Variants in CPXM2 observed in about 807,000 individuals in gnomAD.
CPXM2 encodes carboxypeptidase X, M14 family member 2.
A neutral mutation model predicts 86.1 loss-of-function variants in CPXM2; 66 were observed. The observed-to-expected ratio is 0.77, with a 90% CI of 0.63 to 0.94. The LOEUF (loss-of-function observed/expected upper bound fraction) is 0.94. Among genes scored for constraint, CPXM2 ranks in the 40% least tolerant of loss-of-function variants. CPXM2 has a pLI of 0.00. For missense variants in CPXM2, 948 were observed against 1,026.3 expected (o/e 0.92, Z 1.04); for synonymous variants, 388 against 400.2 (o/e 0.97, Z 0.36).
intron 4 of CPXM2, among the ~76,000 whole-genome samples, chr10:123,825,176 C>T (rs943222658): frequency 6.6e-6 from 1 of 152,088 alleles, no homozygotes; most frequent in Non-Finnish European, 1.5e-5. Flanking sequence ...TACATGTAGG[C>T]CTCACACCAT....
chr10:123,882,887 G>A (rs907752470), intron 1 of CPXM2, among the ~76,000 whole-genome samples: 9 of 145,034 alleles, frequency 6.2e-5, no homozygotes, highest in African/African-American at 2.3e-4. Context: ...ACCATGGCCC[G>A]GGCACCTCCC....
chr10:123,797,398 C>G (rs1363534907), intron 6 of CPXM2, among the ~76,000 whole-genome samples: 1 of 152,196 alleles, frequency 6.6e-6, no homozygotes, highest in Non-Finnish European at 1.5e-5. Context: ...CTTAAAATCA[C>G]TATAGGCAAA....
chr10:123,907,863 A>G (rs1945456721), intron 2 of CPXM2, among the ~76,000 whole-genome samples: 1 of 152,148 alleles, frequency 6.6e-6, no homozygotes, highest in Non-Finnish European at 1.5e-5. Context: ...CAGGCAATAC[A>G]TCAGCAAAAC....
At chr10:123,750,841 C>T (rs10736932) in intron 13 of CPXM2, 766,667 of 985,188 alleles carry the variant, frequency 0.78, 300,542 homozygotes, top group Non-Finnish European at 0.8. Context: ...CCTGGCAGGG[C>T]ACGCTGTCCT....
Position 123,746,939 on chromosome 10 carries a change from G to A in CPXM2, c.2096C>T (p.Ser699Phe), listed in dbSNP as rs1158332407. Residue 699 changes from serine (S) to phenylalanine (F), a missense_variant, in exon 14 of 14, where the codon TCC becomes TTC. Transcript: ENST00000241305. The stretch of plus-strand genomic sequence containing the variant: ...ATAGCCAACCATACAGTTCTTGGTG[G>A]ATGCAGTGAAACCTTCGGCCTTTGC... ...VTAKAEGFTASTKNCMVGYDM... is the reference protein window; with the variant it reads ...VTAKAEGFTAFTKNCMVGYDM... 56 of 1,614,058 alleles carry A rather than the reference G, an allele frequency of 3.5e-5. No individual in the cohort carries two copies. The highest frequency in any genetic ancestry group is 4.4e-5 in the Non-Finnish European group (52 of 1,180,052).
At chr10:123,861,736 G>T (rs1848852737) in intron 3 of CPXM2, among the ~76,000 whole-genome samples, 1 of 152,210 alleles carries the variant, frequency 6.6e-6, no homozygotes, top group Non-Finnish European at 1.5e-5. Flanking sequence ...AAAAGGGGAA[G>T]AAAATTGATT....
chr10:123,910,256 C>T (rs1366768590), intron 2 of CPXM2, among the ~76,000 whole-genome samples: 1 of 152,154 alleles, frequency 6.6e-6, no homozygotes, highest in African/African-American at 2.4e-5. Flanking sequence ...GCCTGGACAC[C>T]TGGCCAGGTT....
intron 2 of CPXM2, among the ~76,000 whole-genome samples, chr10:123,909,093 C>T (rs766658942): frequency 6.6e-6 from 1 of 152,154 alleles, no homozygotes; most frequent in Non-Finnish European, 1.5e-5. Context: ...TAGGTTCAAG[C>T]TTTTGGCTGG....
At chr10:123,779,588 G>A (rs1846886104) in intron 7 of CPXM2, among the ~76,000 whole-genome samples, 1 of 152,172 alleles carries the variant, frequency 6.6e-6, no homozygotes, top group Admixed American at 6.5e-5. Context: ...GCCTGAGACG[G>A]GGCTCAATTA....
At chr10:123,841,349 G>A (rs1298988667) in intron 4 of CPXM2, among the ~76,000 whole-genome samples, 2 of 152,138 alleles carry the variant, frequency 1.3e-5, no homozygotes, top group East Asian at 3.8e-4. Flanking sequence ...ATTTTTGCTT[G>A]CTTGTTGTAA....
At chr10:123,906,557 TTTAAA>T (rs1463855831) in intron 2 of CPXM2, among the ~76,000 whole-genome samples, 50 of 152,324 alleles carry the variant, frequency 3.3e-4, no homozygotes, top group African/African-American at 1.1e-3. Flanking sequence ...TGGAATAAAA[TTTAAA>T]TTAAATCCAG....
At chr10:123,854,426 A>T (rs1461710054) in intron 3 of CPXM2, among the ~76,000 whole-genome samples, 2 of 119,100 alleles carry the variant, frequency 1.7e-5, no homozygotes, top group Non-Finnish European at 3.5e-5. Context: ...AATATATAAT[A>T]TATATATAAT....
intron 4 of CPXM2, among the ~76,000 whole-genome samples, chr10:123,816,670 T>G (rs1270290817): frequency 6.6e-6 from 1 of 152,254 alleles, no homozygotes; most frequent in African/African-American, 2.4e-5. Context: ...GCCATTGACT[T>G]GGCAAATGCC....
At chr10:123,807,529 C>T (rs1847606030) in intron 4 of CPXM2, among the ~76,000 whole-genome samples, 1 of 152,084 alleles carries the variant, frequency 6.6e-6, no homozygotes, top group African/African-American at 2.4e-5. Context: ...ATACAACATT[C>T]CTTTACTCAA....
intron 7 of CPXM2, among the ~76,000 whole-genome samples, chr10:123,773,203 GTGGTC>G (rs1846692673): frequency 6.8e-6 from 1 of 146,796 alleles, no homozygotes; most frequent in Non-Finnish European, 1.6e-5. Context: ...CTCTCTCATT[GTGGTC>G]ATCAGCTCCC....
intron 13 of CPXM2, chr10:123,751,181 G>T: frequency 2.8e-6 from 1 of 353,302 alleles, no homozygotes. Context: ...TAGCGCCACT[G>T]ACGAGAGTGC....
intron 4 of CPXM2, among the ~76,000 whole-genome samples, chr10:123,830,437 G>C (rs1848140019): frequency 6.6e-6 from 1 of 152,220 alleles, no homozygotes; most frequent in East Asian, 1.9e-4. Context: ...AGTGGGCAGA[G>C]TCAGTCACAT....
chr10:123,852,976 T>A (rs1231641532), intron 3 of CPXM2, among the ~76,000 whole-genome samples: 1 of 152,198 alleles, frequency 6.6e-6, no homozygotes, highest in Admixed American at 6.5e-5. Context: ...TTTGGATCTG[T>A]GTCCCTGCCC....
At chr10:123,815,844 A>G (rs879700682) in intron 4 of CPXM2, among the ~76,000 whole-genome samples, 2 of 152,192 alleles carry the variant, frequency 1.3e-5, no homozygotes, top group Non-Finnish European at 2.9e-5. Flanking sequence ...AAATCTGAAG[A>G]ACAGGCATGG....
Sources: allele counts gnomAD v4.1 joint callset (sites outside exome capture counted in the v4.1 genomes callset), GRCh38; gene constraint gnomAD v4.1.1; transcripts MANE v1.5; gene names NCBI Gene and HGNC (gene_info 2026-07-23, HGNC 2026-07-21).